Variants in PCDH15 observed in about 807,000 individuals in gnomAD.
PCDH15 encodes protocadherin-15.
A neutral mutation model predicts 178.5 loss-of-function variants in PCDH15; 129 were observed. The observed-to-expected ratio is 0.72, with a 90% confidence interval of 0.63 to 0.84. PCDH15 has a LOEUF of 0.84. PCDH15 is among the 40% of genes least tolerant of loss of function. PCDH15 has a pLI of 0.00. For synonymous variants in PCDH15, 800 were observed against 732.0 expected (o/e 1.09, Z -1.50); for missense variants, 2,230 against 2,099.9 (o/e 1.06, Z -1.21).
chr10:55,088,459 A>C (rs114869226), intron 2 of PCDH15, among the ~76,000 whole-genome samples: 6,114 of 151,916 alleles, frequency 0.04, 295 homozygotes, highest in East Asian at 0.15. Context: ...TTTTTAGTAA[A>C]GATGTGGTCT....
At chr10:54,460,793 A>T (rs928200966) in intron 3 of PCDH15, among the ~76,000 whole-genome samples, 30 of 152,106 alleles carry the variant, frequency 2.0e-4, no homozygotes, top group Non-Finnish European at 4.0e-4. Flanking sequence ...GAGTTGAAGG[A>T]TGATATGAAT....
intron 8 of PCDH15, among the ~76,000 whole-genome samples, chr10:54,288,932 C>T (rs2059210679): frequency 6.6e-6 from 1 of 152,244 alleles, no homozygotes; most frequent in African/African-American, 2.4e-5. Context: ...CATATTTGGG[C>T]AGGGCATAGC....
At chr10:55,414,318 T>C (rs1838420948) in intron 2 of PCDH15, among the ~76,000 whole-genome samples, 1 of 151,510 alleles carries the variant, frequency 6.6e-6, no homozygotes, top group Non-Finnish European at 1.5e-5. Flanking sequence ...TACTGCTAAG[T>C]AGTAGTAGTA....
intron 2 of PCDH15, among the ~76,000 whole-genome samples, chr10:55,440,729 G>A (rs900836816): frequency 1.3e-5 from 2 of 152,050 alleles, no homozygotes; most frequent in African/African-American, 2.4e-5. Context: ...GTATCAGTCC[G>A]TTTTCACACT....
chr10:54,186,659 A>G (rs1345960496), intron 11 of PCDH15, among the ~76,000 whole-genome samples: 12 of 151,982 alleles, frequency 7.9e-5, no homozygotes, highest in Non-Finnish European at 1.8e-4. Context: ...TAATAATTCC[A>G]ACTGGCGTAT....
intron 2 of PCDH15, among the ~76,000 whole-genome samples, chr10:55,060,185 T>G (rs1249981227): frequency 6.6e-6 from 1 of 152,058 alleles, no homozygotes; most frequent in Non-Finnish European, 1.5e-5. Flanking sequence ...CACCTATTAC[T>G]ACATTAAATA....
At chr10:54,739,207 C>T (rs1006379027) in intron 1 of PCDH15, among the ~76,000 whole-genome samples, 4 of 151,520 alleles carry the variant, frequency 2.6e-5, no homozygotes, top group African/African-American at 9.7e-5. Context: ...AGAACTGATC[C>T]ATGAATTCAG....
chr10:53,956,075 T>A (rs2087584929), intron 23 of PCDH15, among the ~76,000 whole-genome samples: 1 of 152,168 alleles, frequency 6.6e-6, no homozygotes, highest in Non-Finnish European at 1.5e-5. Context: ...TGAATGAGAA[T>A]GACTTTTAAA....
chr10:55,136,197 A>G (rs1838194035), intron 2 of PCDH15, among the ~76,000 whole-genome samples: 1 of 152,152 alleles, frequency 6.6e-6, no homozygotes, highest in South Asian at 2.1e-4. Flanking sequence ...AAGATTCACC[A>G]TGCTGTAAAT....
intron 1 of PCDH15, among the ~76,000 whole-genome samples, chr10:55,179,610 G>T (rs1330401981): frequency 1.3e-5 from 2 of 151,910 alleles, no homozygotes; most frequent in Non-Finnish European, 2.9e-5. Flanking sequence ...CCCACTTACA[G>T]GTCCCCTCAG....
intron 3 of PCDH15, among the ~76,000 whole-genome samples, chr10:54,416,886 C>A (rs1314759268): frequency 6.6e-6 from 1 of 152,112 alleles, no homozygotes; most frequent in South Asian, 2.1e-4. Flanking sequence ...TGATGTTGAG[C>A]ATTTTTTCAT....
chr10:54,166,836 TCCTTG>T (rs1400577242), intron 13 of PCDH15, among the ~76,000 whole-genome samples: 2 of 152,086 alleles, frequency 1.3e-5, no homozygotes, highest in African/African-American at 4.8e-5. Context: ...AAATGGCCAG[TCCTTG>T]CCTTAAGTGA....
rs183873234 is a variant in PCDH15 at position 53,913,471 on chromosome 10, C to T, written c.3374-10101G>A. Reference sequence around the variant, plus strand: ...GCTTCTAGCCGGGCGCGGTGGCTCACACCTGTAATCCCAGCACTTTGGGAG... The same window carrying T: ...GCTTCTAGCCGGGCGCGGTGGCTCATACCTGTAATCCCAGCACTTTGGGAG... On this transcript the variant is annotated intron_variant, in intron 25 of 37. Coordinates refer to ENST00000644397, the MANE Select transcript of PCDH15 (RefSeq NM_001384140.1). Among the ~76,000 whole-genome samples, 358 of 151,990 alleles carry T rather than the reference C, an allele frequency of 2.4e-3. 3 individuals are homozygous for T. Among genetic ancestry groups the T allele is most frequent in the African/African-American group, 7.9e-3 (327 of 41,458 alleles).
At chr10:54,022,337 G>A (rs1460594052) in intron 19 of PCDH15, among the ~76,000 whole-genome samples, 2 of 63,720 alleles carry the variant, frequency 3.1e-5, no homozygotes, top group Non-Finnish European at 7.4e-5. Context: ...TGTATTGAAT[G>A]TGAAAACAAT....
intron 1 of PCDH15, among the ~76,000 whole-genome samples, chr10:55,193,496 T>C (rs1380655267): frequency 6.6e-6 from 1 of 151,986 alleles, no homozygotes; most frequent in East Asian, 1.9e-4. Context: ...TAAAACAAGA[T>C]AATGCATTTA....
chr10:54,373,500 T>C (rs1023664621), intron 4 of PCDH15, among the ~76,000 whole-genome samples: 4 of 151,978 alleles, frequency 2.6e-5, no homozygotes, highest in Admixed American at 2.0e-4. Context: ...GCATATTTAC[T>C]GAAGATATTA....
At chr10:55,141,301 T>C (rs1838348582) in intron 2 of PCDH15, among the ~76,000 whole-genome samples, 1 of 152,050 alleles carries the variant, frequency 6.6e-6, no homozygotes, top group Non-Finnish European at 1.5e-5. Flanking sequence ...GAACTGCTTC[T>C]AGAAAGATGC....
At position 53,822,818 on chromosome 10, in the gene PCDH15, T is replaced by TTTC. The variant is rs750133663; in HGVS notation, c.4368-2591_4368-2589dup. 10 of 1,613,834 alleles carry TTTC rather than the reference T, an allele frequency of 6.2e-6. No homozygotes were observed. In the African/African-American group the frequency reaches 1.2e-4, roughly 19 times the overall value. ...GTGTTTCACCTTGCCTTATTTCCTC[T>TTTC]TTCTCTGTCAAATTTGCCTCTTCAG... On this transcript the variant is annotated intron_variant, in intron 32 of 37. Transcript: ENST00000644397.
chr10:55,618,157 G>C (rs1211146180), intron 2 of PCDH15, among the ~76,000 whole-genome samples: 4 of 151,844 alleles, frequency 2.6e-5, no homozygotes, highest in African/African-American at 7.3e-5. Context: ...TTAAATTATA[G>C]CTACTTGAAG....
Sources: gnomAD v4.1 joint callset for allele counts (sites outside exome capture counted in the v4.1 genomes callset) on GRCh38, gnomAD v4.1.1 for gene constraint, MANE v1.5 for transcripts, NCBI Gene and HGNC (gene_info 2026-07-23, HGNC 2026-07-21) for gene names.